TMEM132D: variants seen among roughly 807,000 people sequenced by gnomAD.
The protein encoded by TMEM132D is mature OL transmembrane protein.
In TMEM132D, 21 loss-of-function variants were observed where a neutral mutation model predicts 62.3. That is an observed-to-expected ratio of 0.34 (90% confidence interval 0.24 to 0.49). The LOEUF is 0.49. TMEM132D is among the 20% of genes least tolerant of loss of function. TMEM132D has a pLI of 0.99. For synonymous variants in TMEM132D, 621 were observed against 575.6 expected, an observed-to-expected ratio of 1.08 and a Z score of -1.13; for missense variants, 1,346 against 1,402.8, an observed-to-expected ratio of 0.96 and a Z score of 0.65.
intron 3 of TMEM132D, among the ~76,000 whole-genome samples, chr12:129,467,964 T>C (rs1335111969): frequency 1.3e-5 from 2 of 152,122 alleles, no homozygotes; most frequent in East Asian, 1.9e-4. Flanking sequence ...AGCATTTCAA[T>C]AGCCTAGGTA....
chr12:129,268,273 G>A (rs1305219766), intron 4 of TMEM132D, among the ~76,000 whole-genome samples: 1 of 152,102 alleles, frequency 6.6e-6, no homozygotes, highest in Non-Finnish European at 1.5e-5. Context: ...GAAAATTTTT[G>A]CAACCTACTC....
chr12:129,325,857 ATTGCC>A (rs1868891273), intron 4 of TMEM132D, among the ~76,000 whole-genome samples: 5 of 152,246 alleles, frequency 3.3e-5, no homozygotes, highest in African/African-American at 1.2e-4. Context: ...TTCAAAGGTC[ATTGCC>A]AGCTACAGAG....
intron 7 of TMEM132D, among the ~76,000 whole-genome samples, chr12:129,080,544 A>C (rs1235120553): frequency 6.6e-6 from 1 of 152,222 alleles, no homozygotes; most frequent in Non-Finnish European, 1.5e-5. Context: ...GATATGTTTT[A>C]AATCTTCCAC....
intron 1 of TMEM132D, among the ~76,000 whole-genome samples, chr12:129,800,702 G>A (rs559525667): frequency 1.3e-5 from 2 of 152,222 alleles, no homozygotes; most frequent in East Asian, 3.9e-4. Context: ...TAATTACCAG[G>A]GAGGAGGAGC....
At chr12:129,732,303 T>C (rs1242123830) in intron 1 of TMEM132D, among the ~76,000 whole-genome samples, 1 of 152,160 alleles carries the variant, frequency 6.6e-6, no homozygotes, top group Non-Finnish European at 1.5e-5. Flanking sequence ...AGTGTCTTTG[T>C]TATGCTAATG....
rs369964127 is a variant in TMEM132D, at chr12:129,662,351, G to T, written c.968+37459C>A. Among the ~76,000 whole-genome samples the T allele has an allele frequency of 2.0e-5, 3 of 152,102 alleles. No individual in the cohort carries two copies. The East Asian group carries it at 5.8e-4, about 29-fold the overall frequency. On this transcript the variant is annotated intron_variant, in intron 2 of 8. Transcript: ENST00000422113. The stretch of plus-strand genomic sequence containing the variant: ...TCTATTACCTGTTCCACCTCCAATC[G>T]CCAAGTTATTTACAAGGAGAAGGAG...
At chr12:129,341,377 C>A (rs1385001963) in intron 3 of TMEM132D, among the ~76,000 whole-genome samples, 1 of 152,168 alleles carries the variant, frequency 6.6e-6, no homozygotes, top group Admixed American at 6.5e-5. Flanking sequence ...AGTGATTTTT[C>A]CACCTCCCAT....
At chr12:129,830,031 C>G (rs539917616) in intron 1 of TMEM132D, among the ~76,000 whole-genome samples, 59 of 152,226 alleles carry the variant, frequency 3.9e-4, no homozygotes, top group African/African-American at 1.4e-3. Context: ...CTCTCAGATA[C>G]AGAGTGGCAC....
At chr12:129,175,643 A>C (rs751149897) in intron 5 of TMEM132D, among the ~76,000 whole-genome samples, 17 of 152,212 alleles carry the variant, frequency 1.1e-4, no homozygotes, top group Non-Finnish European at 1.8e-4. Flanking sequence ...GGGAGGTGGA[A>C]GTTGCAGCGA....
chr12:129,160,340 T>C (rs1877367299), intron 5 of TMEM132D, among the ~76,000 whole-genome samples: 1 of 152,244 alleles, frequency 6.6e-6, no homozygotes, highest in Non-Finnish European at 1.5e-5. Flanking sequence ...CACCAATCAC[T>C]AAATCCCATT....
chr12:129,272,387 A>C (rs1187629886), intron 4 of TMEM132D, among the ~76,000 whole-genome samples: 1 of 151,820 alleles, frequency 6.6e-6, no homozygotes, highest in Non-Finnish European at 1.5e-5. Context: ...AGTCACCTAC[A>C]AGCTTCACTG....
chr12:129,252,775 A>G (rs1880302251), intron 4 of TMEM132D, among the ~76,000 whole-genome samples: 1 of 152,094 alleles, frequency 6.6e-6, no homozygotes, highest in Non-Finnish European at 1.5e-5. Context: ...ACAATAGCAA[A>G]GACTTGGAAC....
chr12:129,397,850 T>C (rs1428953019), intron 3 of TMEM132D, among the ~76,000 whole-genome samples: 1 of 152,156 alleles, frequency 6.6e-6, no homozygotes, highest in Admixed American at 6.6e-5. Flanking sequence ...TCTCAGGCTG[T>C]AGAGCCAGAA....
chr12:129,537,287 A>G (rs1876425312), intron 2 of TMEM132D, among the ~76,000 whole-genome samples: 1 of 152,222 alleles, frequency 6.6e-6, no homozygotes, highest in African/African-American at 2.4e-5. Context: ...TGCACATTTT[A>G]AACCTTGAGA....
chr12:129,724,952 A>G (rs1868978994), intron 1 of TMEM132D, among the ~76,000 whole-genome samples: 1 of 152,090 alleles, frequency 6.6e-6, no homozygotes, highest in Admixed American at 6.5e-5. Flanking sequence ...CATGTGCCTC[A>G]CTTCTAATCA....
intron 3 of TMEM132D, among the ~76,000 whole-genome samples, chr12:129,514,679 A>C (rs1875620842): frequency 6.6e-6 from 1 of 152,210 alleles, no homozygotes; most frequent in African/African-American, 2.4e-5. Context: ...TAGATGCCTA[A>C]TATACATTTG....
intron 3 of TMEM132D, among the ~76,000 whole-genome samples, chr12:129,372,860 A>C (rs756482604): frequency 6.6e-6 from 1 of 152,182 alleles, no homozygotes. Flanking sequence ...TAAAGTGCAC[A>C]ATAAAGGTAA....
At chr12:129,672,639 T>C (rs1880527029) in intron 2 of TMEM132D, among the ~76,000 whole-genome samples, 1 of 152,202 alleles carries the variant, frequency 6.6e-6, no homozygotes, top group Non-Finnish European at 1.5e-5. Context: ...AAAAATGAGA[T>C]TACACGATTT....
At chr12:129,599,091 G>C (rs574880631) in intron 2 of TMEM132D, among the ~76,000 whole-genome samples, 5 of 152,144 alleles carry the variant, frequency 3.3e-5, no homozygotes, top group Non-Finnish European at 7.3e-5. Context: ...CCATCAAAGA[G>C]GGGACCAAGC....
Sources: allele counts gnomAD v4.1 joint callset (sites outside exome capture counted in the v4.1 genomes callset), GRCh38; gene constraint gnomAD v4.1.1; transcripts MANE v1.5; gene names NCBI Gene and HGNC (gene_info 2026-07-23, HGNC 2026-07-21).